Variants in ZNF362 observed in about 807,000 individuals in gnomAD.
The protein encoded by ZNF362 is zinc finger protein 362, also known as rotund homolog.
In ZNF362, 11 loss-of-function variants were observed where a neutral mutation model predicts 42.9. The observed-to-expected ratio is 0.26, with a 90% CI of 0.16 to 0.42. The LOEUF is 0.42. Ranked by LOEUF, ZNF362 falls within the 20% of genes least tolerant of loss-of-function variation. ZNF362 has a pLI of 1.00. For synonymous variants in ZNF362, 255 were observed against 257.3 expected (o/e 0.99, Z 0.09); for missense variants, 362 against 576.2 (o/e 0.63, Z 3.81).
intron 1 of ZNF362, among the ~76,000 whole-genome samples, chr1:33,257,816 G>A (rs1466278269): frequency 6.6e-6 from 1 of 152,130 alleles, no homozygotes; most frequent in East Asian, 1.9e-4. Flanking sequence ...GTGGCAGTGG[G>A]CCTGTCTCCT....
chr1:33,271,253 G>A (rs1237079496), intron 2 of ZNF362, among the ~76,000 whole-genome samples: 1 of 152,182 alleles, frequency 6.6e-6, no homozygotes, highest in Non-Finnish European at 1.5e-5. Context: ...AGGCAACACC[G>A]AACGCTCGTG....
At chr1:33,142,634 C>T in the ZNF362 span, 14 of 152,232 alleles carry the variant, frequency 9.2e-5, no homozygotes, top group African/African-American at 3.1e-4. Flanking sequence ...AAGCTTGGCT[C>T]ACAATTGAGA....
chr1:33,195,724 G>A, the ZNF362 span: 2 of 152,098 alleles, frequency 1.3e-5, no homozygotes, highest in African/African-American at 4.8e-5. Flanking sequence ...AGTGAAGCTT[G>A]CAGGACTGGA....
the ZNF362 span, chr1:33,142,856 C>T: frequency 6.6e-6 from 1 of 152,066 alleles, no homozygotes; most frequent in Admixed American, 6.6e-5. Flanking sequence ...CGAGTACTGG[C>T]TGTGGGTCCT....
chr1:33,238,808 C>T, the ZNF362 span, among the ~76,000 whole-genome samples: 2 of 152,114 alleles, frequency 1.3e-5, no homozygotes, highest in African/African-American at 4.8e-5. Context: ...TCCCTCTCGA[C>T]GTATGCACAC....
At chr1:33,190,500 C>A in the ZNF362 span, among the ~76,000 whole-genome samples, 894 of 152,258 alleles carry the variant, frequency 5.9e-3, 10 homozygotes, top group African/African-American at 0.02. Flanking sequence ...GATGTCAGTG[C>A]CCCTTCAGGA....
chr1:33,177,637 G>A, the ZNF362 span, among the ~76,000 whole-genome samples: 1 of 152,192 alleles, frequency 6.6e-6, no homozygotes, highest in African/African-American at 2.4e-5. This position sits in a 1 kb window ranked among gnomAD's most constrained non-coding sequence, Gnocchi z 4.1. Context: ...ATTTGTCAAT[G>A]CTTGGAGATG....
At chr1:33,186,422 A>G in the ZNF362 span, among the ~76,000 whole-genome samples, 154 of 152,124 alleles carry the variant, frequency 1.0e-3, no homozygotes, top group East Asian at 5.8e-3. Flanking sequence ...TTGTTCAGAC[A>G]TGAGTTACAG....
the ZNF362 span, among the ~76,000 whole-genome samples, chr1:33,223,500 TC>T: frequency 6.6e-6 from 1 of 152,238 alleles, no homozygotes; most frequent in African/African-American, 2.4e-5. Context: ...CTCTCTCCCA[TC>T]CCAAATTACT....
the ZNF362 span, among the ~76,000 whole-genome samples, chr1:33,167,586 C>A: frequency 6.6e-6 from 1 of 152,206 alleles, no homozygotes; most frequent in African/African-American, 2.4e-5. This position sits in a 1 kb window ranked among gnomAD's most constrained non-coding sequence, Gnocchi z 4.2. Flanking sequence ...AACAGCCTGG[C>A]ACTGAGATGG....
upstream of ZNF362, among the ~76,000 whole-genome samples, chr1:33,252,300 C>G (rs780929390): frequency 6.6e-6 from 1 of 152,078 alleles, no homozygotes; most frequent in Non-Finnish European, 1.5e-5. Flanking sequence ...TGCGGTGAGC[C>G]GAGATTGCAT....
At chr1:33,138,565 T>TCGTG in the ZNF362 span, among the ~76,000 whole-genome samples, 1 of 149,390 alleles carries the variant, frequency 6.7e-6, no homozygotes, top group Non-Finnish European at 1.5e-5. Flanking sequence ...GGCACTGTGA[T>TCGTG]CGTGCCACTG....
chr1:33,159,680 G>C, the ZNF362 span: 1 of 1,601,794 alleles, frequency 6.2e-7, no homozygotes, highest in Admixed American at 1.7e-5. This position sits in a 1 kb window ranked among gnomAD's most constrained non-coding sequence, Gnocchi z 4.2. Context: ...CCGGCGGGTG[G>C]CACTTACCGC....
the ZNF362 span, among the ~76,000 whole-genome samples, chr1:33,206,998 C>G: frequency 6.6e-6 from 1 of 152,106 alleles, no homozygotes; most frequent in Admixed American, 6.6e-5. Context: ...ATGTGTACAA[C>G]GTGCAGGTTT....
chr1:33,259,231 C>T (rs1645813676), intron 1 of ZNF362, among the ~76,000 whole-genome samples: 1 of 152,198 alleles, frequency 6.6e-6, no homozygotes, highest in Admixed American at 6.5e-5. Flanking sequence ...CCAGGCTGCA[C>T]GGGCCCCAGG....
chr1:33,198,550 T>G, the ZNF362 span, among the ~76,000 whole-genome samples: 1 of 152,048 alleles, frequency 6.6e-6, no homozygotes, highest in East Asian at 1.9e-4. Context: ...GCCTCTAGTT[T>G]CAGCTACTTA....
At chr1:33,219,787 T>A in the ZNF362 span, among the ~76,000 whole-genome samples, 1 of 152,114 alleles carries the variant, frequency 6.6e-6, no homozygotes, top group Non-Finnish European at 1.5e-5. Flanking sequence ...TCCCCATCTC[T>A]CACACCTGAA....
At position 33,280,197 on chromosome 1, in the gene ZNF362, T is replaced by C; in HGVS notation, c.423T>C (p.Gly141=). Residue 141 remains glycine (G), a synonymous_variant, in exon 5 of 9, where the codon GGT becomes GGC. Coordinates refer to ENST00000539719, the MANE Select transcript of ZNF362 (RefSeq NM_152493.3). This position sits in a 1 kb window ranked among gnomAD's most constrained non-coding sequence, Gnocchi z 5.6. ...ESSAGAGTGT[G]TSTPSTPTTT... ...GCGCGGGCGCGGGCACGGGCACGGG[T>C]ACCAGCACCCCGTCCACACCCACCA... 6.2e-7 allele frequency: 1 copy of C among 1,613,116 alleles called. No individual in the cohort carries two copies. Among genetic ancestry groups the C allele is most frequent in the Non-Finnish European group, 8.5e-7 (1 of 1,179,514 alleles).
At chr1:33,178,568 T>C in the ZNF362 span, among the ~76,000 whole-genome samples, 4 of 152,226 alleles carry the variant, frequency 2.6e-5, no homozygotes, top group Non-Finnish European at 5.9e-5. Flanking sequence ...TTCCAGCCCG[T>C]ACTGTGTGCC....
Sources: allele counts gnomAD v4.1 joint callset (sites outside exome capture counted in the v4.1 genomes callset), GRCh38; gene constraint gnomAD v4.1.1; non-coding constraint Gnocchi (gnomAD v3.1); transcripts MANE v1.5; gene names NCBI Gene and HGNC (gene_info 2026-07-23, HGNC 2026-07-21).